The following DNAJC24 variants were observed in gnomAD, a reference collection of about 807,000 sequenced individuals.
DNAJC24 encodes the protein DnaJ heat shock protein family (Hsp40) member C24, also known as dnaJ homolog subfamily C member 24.
In DNAJC24, 17 loss-of-function variants were observed where a neutral mutation model predicts 18.0. The observed-to-expected ratio is 0.94, with a 90% CI of 0.65 to 1.42. DNAJC24 has a LOEUF of 1.42. DNAJC24 is among the 40% of genes most tolerant of loss of function. The probability of loss-of-function intolerance (pLI) is 0.00; values close to 1 mark genes in which losing one functional copy is unlikely to be tolerated. For synonymous variants in DNAJC24, 55 were observed against 57.7 expected (o/e 0.95, Z 0.21); for missense variants, 158 against 175.6 (o/e 0.90, Z 0.57).
intron 2 of DNAJC24, chr11:31,385,008 A>C (rs1952414012): frequency 6.6e-6 from 1 of 152,198 alleles, no homozygotes; most frequent in South Asian, 2.1e-4. Context: ...AGTTTTTAAA[A>C]AGCCTCTGTT....
intron 2 of DNAJC24, chr11:31,408,325 T>C (rs1427934079): frequency 2.6e-6 from 1 of 390,154 alleles, no homozygotes; most frequent in Non-Finnish European, 5.0e-6. Context: ...CCTCTGAAGA[T>C]TTGAGGTGAG....
rs1398849252 is a variant in DNAJC24 at position 31,386,669 on chromosome 11, T to C, written c.111+15810T>C. On this transcript the variant is annotated intron_variant, in intron 2 of 4. Transcript: ENST00000465995. ...TGGCTTCAGATGTGACCCACCACAT[T>C]TTCAGCTATGGTGGCCATGGAGAGA... Among the ~76,000 whole-genome samples the C allele has an allele frequency of 2.0e-5, 3 of 151,436 alleles. No individual in the cohort carries two copies. The East Asian group carries it at 5.9e-4, about 30-fold the overall frequency.
chr11:31,429,510 T>C (rs1015410288), intron 4 of DNAJC24: 1 of 395,214 alleles, frequency 2.5e-6, no homozygotes. Flanking sequence ...TAAAATGGAA[T>C]GACCAATGGA....
intron 4 of DNAJC24, 60 bp from the exon 5 acceptor site, chr11:31,430,211 G>A: frequency 2.8e-6 from 4 of 1,442,118 alleles, no homozygotes; most frequent in Non-Finnish European, 2.8e-6. Context: ...CACCTTTTAA[G>A]GGTATTAGTG....
At chr11:31,370,565 G>T (rs1006151246) in intron 1 of DNAJC24, among the ~76,000 whole-genome samples, 151 bp from the exon 2 acceptor site, 1 of 151,708 alleles carries the variant, frequency 6.6e-6, no homozygotes, top group African/African-American at 2.4e-5. Context: ...GAATTCTTGG[G>T]GCATTTTAAA....
intron 3 of DNAJC24, among the ~76,000 whole-genome samples, chr11:31,421,189 GAC>G (rs1373919880): frequency 2.6e-5 from 4 of 152,226 alleles, no homozygotes; most frequent in African/African-American, 9.6e-5. Flanking sequence ...GCATGTTAAA[GAC>G]AAGGAAACTG....
intron 2 of DNAJC24, among the ~76,000 whole-genome samples, chr11:31,390,467 G>A (rs980881043): frequency 2.0e-5 from 3 of 151,510 alleles, no homozygotes; most frequent in African/African-American, 7.3e-5. Flanking sequence ...CAACACTTTG[G>A]GAGGGCAAGG....
chr11:31,424,494 T>C (rs1249743443), intron 3 of DNAJC24, among the ~76,000 whole-genome samples: 1 of 152,158 alleles, frequency 6.6e-6, no homozygotes, highest in Non-Finnish European at 1.5e-5. Context: ...AAGAATTTTT[T>C]AAAAATAGGA....
At chr11:31,416,452 C>T (rs1007185624) in intron 3 of DNAJC24, 1 of 152,164 alleles carries the variant, frequency 6.6e-6, no homozygotes, top group African/African-American at 2.4e-5. Context: ...CCTAAAGCCA[C>T]TACGCTCTAC....
chr11:31,392,745 C>T (rs547541465), intron 2 of DNAJC24, among the ~76,000 whole-genome samples: 8 of 149,492 alleles, frequency 5.4e-5, no homozygotes, highest in South Asian at 2.2e-4. Flanking sequence ...AGTCTTGCTC[C>T]GTCACCCAGG....
At chr11:31,415,571 C>T (rs1952744948) in intron 3 of DNAJC24, 1 of 152,234 alleles carries the variant, frequency 6.6e-6, no homozygotes, top group Admixed American at 6.5e-5. Flanking sequence ...AGGTTTGTCA[C>T]ACATGGACTG....
intron 1 of DNAJC24, 129 bp from the exon 2 acceptor site, chr11:31,370,587 G>T: frequency 2.2e-6 from 1 of 455,698 alleles, no homozygotes. Context: ...GAAAATCTGT[G>T]CTTCCTCAGG....
chr11:31,421,021 T>C (rs1248362590), intron 3 of DNAJC24, among the ~76,000 whole-genome samples: 3 of 152,280 alleles, frequency 2.0e-5, no homozygotes, highest in East Asian at 1.9e-4. Flanking sequence ...GGTTCCAAGT[T>C]TGTAGTTTTT....
At chr11:31,382,313 A>G (rs189380720) in intron 2 of DNAJC24, among the ~76,000 whole-genome samples, 1 of 152,304 alleles carries the variant, frequency 6.6e-6, no homozygotes, top group Admixed American at 6.5e-5. Context: ...CTTATCTGCA[A>G]AAATCAACAC....
intron 1 of DNAJC24, among the ~76,000 whole-genome samples, 153 bp from the exon 2 acceptor site, chr11:31,370,562 TG>T (rs1952216008): frequency 6.6e-6 from 1 of 152,156 alleles, no homozygotes; most frequent in Non-Finnish European, 1.5e-5. Context: ...CTGGAATTCT[TG>T]GGGCATTTTA....
chr11:31,432,641 A>G lies in DNAJC24; in HGVS notation c.*2240A>G. Reference sequence around the variant, plus strand: ...TAGTATCATCATATTCCCTTTTGCTATCTGTCCCTTTTCTCTATGCCAGAT... The same window carrying G: ...TAGTATCATCATATTCCCTTTTGCTGTCTGTCCCTTTTCTCTATGCCAGAT... On this transcript the variant is annotated 3_prime_UTR_variant, in exon 5 of 5. Transcript: ENST00000465995. 2 of 1,002,164 alleles carry G rather than the reference A, an allele frequency of 2.0e-6. No individual in the cohort carries two copies. The highest frequency in any genetic ancestry group is 2.6e-5 in the South Asian group (2 of 76,318). 62.1% of individuals were successfully genotyped at this position (1,002,164 alleles called of 1,614,324 possible).
At chr11:31,403,484 G>A (rs1417633879) in intron 2 of DNAJC24, among the ~76,000 whole-genome samples, 2 of 152,144 alleles carry the variant, frequency 1.3e-5, no homozygotes, top group Non-Finnish European at 2.9e-5. Flanking sequence ...TGAAGCAGGG[G>A]CTTACAAAAT....
chr11:31,403,124 CAT>C (rs1491271373), intron 2 of DNAJC24, among the ~76,000 whole-genome samples: 5 of 113,084 alleles, frequency 4.4e-5, no homozygotes, highest in South Asian at 3.0e-4. Flanking sequence ...TGCATATATG[CAT>C]GTGTGTGTGT....
chr11:31,416,228 G>T (rs1189382858), intron 3 of DNAJC24: 1 of 152,020 alleles, frequency 6.6e-6, no homozygotes, highest in Non-Finnish European at 1.5e-5. Flanking sequence ...TTGAATATTG[G>T]GTTCTGCTTT....
Sources: gnomAD v4.1 joint callset for allele counts (sites outside exome capture counted in the v4.1 genomes callset) on GRCh38, gnomAD v4.1.1 for gene constraint, MANE v1.5 for transcripts, NCBI Gene and HGNC (gene_info 2026-07-23, HGNC 2026-07-21) for gene names.